Variants in MINDY4 observed in about 807,000 individuals in gnomAD.
MINDY4 encodes probable ubiquitin carboxyl-terminal hydrolase MINDY-4.
In MINDY4, 68 loss-of-function variants were observed where a neutral mutation model predicts 87.0. That is an observed-to-expected ratio of 0.78 (90% CI 0.64 to 0.96). The LOEUF (loss-of-function observed/expected upper bound fraction) is 0.96. Among genes scored for constraint, MINDY4 ranks in the 40% least tolerant of loss-of-function variants. The probability of loss-of-function intolerance (pLI) is 0.00; values close to 1 mark genes in which losing one functional copy is unlikely to be tolerated. For missense variants in MINDY4, 919 were observed against 928.2 expected (o/e 0.99, Z 0.13); for synonymous variants, 379 against 363.2 (o/e 1.04, Z -0.50).
intron 5 of MINDY4, among the ~76,000 whole-genome samples, chr7:30,809,339 T>C (rs1056846264): frequency 1.4e-5 from 2 of 146,196 alleles, no homozygotes; most frequent in African/African-American, 2.6e-5. Flanking sequence ...GGAAACCTCA[T>C]TGTGAGCACA....
chr7:30,832,405 G>A (rs986098280), intron 6 of MINDY4, among the ~76,000 whole-genome samples: 2 of 152,218 alleles, frequency 1.3e-5, no homozygotes, highest in African/African-American at 2.4e-5. Flanking sequence ...GGCCTCAGAT[G>A]TCTAAGGTGG....
intron 8 of MINDY4, among the ~76,000 whole-genome samples, chr7:30,840,487 T>C (rs1788997152): frequency 6.6e-6 from 1 of 152,234 alleles, no homozygotes; most frequent in Non-Finnish European, 1.5e-5. Flanking sequence ...TGTCCTTGGC[T>C]TCACAGCTGA....
chr7:30,820,839 G>A (rs1252191805), intron 5 of MINDY4, among the ~76,000 whole-genome samples: 1 of 152,160 alleles, frequency 6.6e-6, no homozygotes, highest in South Asian at 2.1e-4. Context: ...CCTGTTTTCA[G>A]TTCTTTGGGG....
chr7:30,838,930 G>T (rs763772665), intron 7 of MINDY4, among the ~76,000 whole-genome samples: 5 of 152,208 alleles, frequency 3.3e-5, no homozygotes, highest in Non-Finnish European at 7.3e-5. Context: ...CAAGGCCCCT[G>T]TAAGGAGCTT....
At chr7:30,825,583 A>G (rs1287379207) in intron 5 of MINDY4, among the ~76,000 whole-genome samples, 1 of 152,220 alleles carries the variant, frequency 6.6e-6, no homozygotes, top group African/African-American at 2.4e-5. Context: ...GGCAAGACCA[A>G]AGTAGAGCAT....
At chr7:30,828,534 G>A in intron 5 of MINDY4, 145 bp from the exon 6 acceptor site, 1 of 739,902 alleles carries the variant, frequency 1.4e-6, no homozygotes, top group Admixed American at 2.1e-5. Flanking sequence ...CTGAGAGAGG[G>A]GGAGTATTCA....
At chr7:30,822,528 T>A (rs1318521541) in intron 5 of MINDY4, among the ~76,000 whole-genome samples, 1 of 152,226 alleles carries the variant, frequency 6.6e-6, no homozygotes, top group Non-Finnish European at 1.5e-5. Context: ...TAATCAAATC[T>A]TTCTCAAGTG....
chr7:30,841,463 T>G (rs1196993554), intron 9 of MINDY4, among the ~76,000 whole-genome samples: 2 of 152,158 alleles, frequency 1.3e-5, no homozygotes, highest in East Asian at 1.9e-4. Context: ...AAAACCCCAA[T>G]CCCATACCAT....
intron 3 of MINDY4, among the ~76,000 whole-genome samples, chr7:30,784,266 C>T (rs1787088489): frequency 6.6e-6 from 1 of 152,178 alleles, no homozygotes; most frequent in African/African-American, 2.4e-5. Flanking sequence ...ACCCAGTTAC[C>T]CAAGCCAAAA....
intron 15 of MINDY4, among the ~76,000 whole-genome samples, chr7:30,877,235 C>T (rs750769605): frequency 5.3e-5 from 8 of 152,106 alleles, no homozygotes; most frequent in Non-Finnish European, 1.2e-4. Context: ...AGAGAGGCAA[C>T]CTTGGCTAGG....
At chr7:30,879,794 C>T (rs1041207981) in intron 15 of MINDY4, among the ~76,000 whole-genome samples, 1 of 152,230 alleles carries the variant, frequency 6.6e-6, no homozygotes. Flanking sequence ...CTTCATAGGG[C>T]CTCCTCTGGA....
At chr7:30,827,453 A>T (rs1312401748) in intron 5 of MINDY4, among the ~76,000 whole-genome samples, 2 of 151,816 alleles carry the variant, frequency 1.3e-5, no homozygotes, top group Non-Finnish European at 2.9e-5. Flanking sequence ...TCTGACACAA[A>T]CTCAGTGTCG....
At chr7:30,806,788 G>A (rs758266879) in intron 5 of MINDY4, among the ~76,000 whole-genome samples, 29 of 152,238 alleles carry the variant, frequency 1.9e-4, no homozygotes, top group Non-Finnish European at 4.0e-4. Context: ...TGGAGGGTGA[G>A]GCAGATGTGT....
intron 12 of MINDY4, among the ~76,000 whole-genome samples, chr7:30,854,782 CA>C (rs1337365736): frequency 1.3e-5 from 2 of 152,236 alleles, no homozygotes; most frequent in Non-Finnish European, 2.9e-5. Context: ...GCCCTGGCAG[CA>C]CCAGATGTCC....
At chr7:30,803,876 C>T (rs2128171609) in intron 5 of MINDY4, among the ~76,000 whole-genome samples, 1 of 152,328 alleles carries the variant, frequency 6.6e-6, no homozygotes, top group South Asian at 2.1e-4. Flanking sequence ...CTCATAGCTC[C>T]ACCTAAGGAT....
chr7:30,862,235 A>T (rs748001656), intron 13 of MINDY4, among the ~76,000 whole-genome samples: 1 of 151,984 alleles, frequency 6.6e-6, no homozygotes, highest in Non-Finnish European at 1.5e-5. Flanking sequence ...CCCAGGGGAG[A>T]CTCCTGAAGA....
chr7:30,837,296 C>T (rs538874610), intron 7 of MINDY4, among the ~76,000 whole-genome samples: 6 of 152,244 alleles, frequency 3.9e-5, no homozygotes, highest in East Asian at 3.9e-4. Context: ...TCACCATGCT[C>T]GGCTACCAGG....
chr7:30,805,507 C>A (rs1410309939), intron 5 of MINDY4, among the ~76,000 whole-genome samples: 1 of 152,130 alleles, frequency 6.6e-6, no homozygotes, highest in Non-Finnish European at 1.5e-5. Flanking sequence ...CAGTGGAGAC[C>A]ACGTGCTTGG....
intron 5 of MINDY4, among the ~76,000 whole-genome samples, chr7:30,807,832 C>T (rs754978057): frequency 2.0e-4 from 31 of 152,326 alleles, no homozygotes; most frequent in African/African-American, 3.1e-4. Flanking sequence ...CCCTCTCACG[C>T]GGACTCTGTT....
Sources: gnomAD v4.1 joint callset for allele counts (sites outside exome capture counted in the v4.1 genomes callset) on GRCh38, gnomAD v4.1.1 for gene constraint, MANE v1.5 for transcripts, NCBI Gene and HGNC (gene_info 2026-07-23, HGNC 2026-07-21) for gene names.